BABAM2: variants seen among roughly 807,000 people sequenced by gnomAD.
The protein encoded by BABAM2 is BRISC and BRCA1 A complex member 2, also known as BRISC and BRCA1-A complex member 2.
A neutral mutation model predicts 54.7 loss-of-function variants in BABAM2; 31 were observed. The observed-to-expected ratio is 0.57, with a 90% CI of 0.43 to 0.77. The LOEUF (loss-of-function observed/expected upper bound fraction) is 0.77. BABAM2 is among the 30% of genes least tolerant of loss of function. The pLI, the probability that BABAM2 is intolerant of heterozygous loss-of-function variation, is 0.00. For synonymous variants in BABAM2, 167 were observed against 162.9 expected, an observed-to-expected ratio of 1.03 and a Z score of -0.19; for missense variants, 364 against 455.8, an observed-to-expected ratio of 0.80 and a Z score of 1.83.
intron 6 of BABAM2, among the ~76,000 whole-genome samples, chr2:28,114,602 A>G (rs946493592): frequency 6.6e-6 from 1 of 152,186 alleles, no homozygotes; most frequent in Non-Finnish European, 1.5e-5. Context: ...GCTTGTCACA[A>G]TGCCTTACAC....
At chr2:28,113,451 G>A (rs1169589604) in intron 6 of BABAM2, among the ~76,000 whole-genome samples, 1 of 152,182 alleles carries the variant, frequency 6.6e-6, no homozygotes, top group Non-Finnish European at 1.5e-5. Flanking sequence ...TCAAAGATCA[G>A]ATGATTGTAG....
intron 11 of BABAM2, among the ~76,000 whole-genome samples, chr2:28,332,273 C>A (rs367731302): frequency 6.6e-6 from 1 of 152,102 alleles, no homozygotes; most frequent in Non-Finnish European, 1.5e-5. Context: ...GTAAACCTAA[C>A]GTCCTGCACG....
chr2:28,004,689 CT>C (rs139298331), intron 4 of BABAM2, among the ~76,000 whole-genome samples: 11,970 of 140,440 alleles, frequency 0.085, 735 homozygotes, highest in African/African-American at 0.19. Context: ...TTTAAAGATA[CT>C]TTTTTTTTTT....
intron 7 of BABAM2, among the ~76,000 whole-genome samples, chr2:28,135,655 T>C (rs1670471173): frequency 6.6e-6 from 1 of 152,202 alleles, no homozygotes; most frequent in Non-Finnish European, 1.5e-5. Context: ...AATAAGCTAA[T>C]GTTTCTTCTT....
chr2:28,131,198 C>T (rs1324561466), intron 7 of BABAM2, among the ~76,000 whole-genome samples: 2 of 46,350 alleles, frequency 4.3e-5, no homozygotes, highest in African/African-American at 1.6e-4. Flanking sequence ...TCTCCTGCCT[C>T]AGCCTCCCAA....
Position 28,016,210 on chromosome 2 carries a change from T to A in BABAM2, c.301-9016T>A, listed in dbSNP as rs921582897. The A allele has an allele frequency of 2.9e-6, 3 of 1,041,626 alleles. No individual in the cohort carries two copies. The African/African-American group carries it at 4.8e-5, about 17-fold the overall frequency. 64.5% of individuals were successfully genotyped at this position (1,041,626 alleles called of 1,614,324 possible). ...AGATTTCTTCTTTTTTCTTTCTCTGTCTTTTTTTGGATGAGCTCTCACTTG... is the reference window on the plus strand; with the variant it reads ...AGATTTCTTCTTTTTTCTTTCTCTGACTTTTTTTGGATGAGCTCTCACTTG... On this transcript the variant is annotated intron_variant, in intron 4 of 11. Transcript: ENST00000379624.
At chr2:28,099,832 A>C (rs548464229) in intron 6 of BABAM2, among the ~76,000 whole-genome samples, 1 of 152,028 alleles carries the variant, frequency 6.6e-6, no homozygotes, top group African/African-American at 2.4e-5. Flanking sequence ...CAGGTTTGCT[A>C]TTTCCCGATA....
intron 5 of BABAM2, among the ~76,000 whole-genome samples, chr2:28,034,434 C>CT (rs1018384563): frequency 1.3e-5 from 2 of 152,166 alleles, no homozygotes; most frequent in Admixed American, 6.5e-5. Flanking sequence ...TTACTATTAG[C>CT]TTTTTTTGGT....
chr2:28,252,832 T>A (rs190554613), intron 10 of BABAM2, among the ~76,000 whole-genome samples: 4 of 152,368 alleles, frequency 2.6e-5, no homozygotes, highest in Non-Finnish European at 5.9e-5. Flanking sequence ...AGCAAGTGTT[T>A]CTGATCAAAG....
At chr2:28,193,016 A>G (rs1055422083) in intron 7 of BABAM2, among the ~76,000 whole-genome samples, 2 of 151,866 alleles carry the variant, frequency 1.3e-5, no homozygotes, top group African/African-American at 4.8e-5. Flanking sequence ...TACTAAAAAT[A>G]CAAAAAAAGT....
At chr2:28,142,269 CT>C (rs1448339329) in intron 7 of BABAM2, among the ~76,000 whole-genome samples, 1 of 152,044 alleles carries the variant, frequency 6.6e-6, no homozygotes, top group Non-Finnish European at 1.5e-5. Flanking sequence ...ATGGGGAAGC[CT>C]TTAGTTTAAA....
intron 6 of BABAM2, among the ~76,000 whole-genome samples, chr2:28,076,718 G>A (rs552798747): frequency 6.6e-6 from 1 of 152,158 alleles, no homozygotes; most frequent in South Asian, 2.1e-4. Context: ...ATGTTAGCCA[G>A]GATGGTCTCA....
chr2:27,942,322 A>C (rs1331567140), intron 3 of BABAM2, among the ~76,000 whole-genome samples: 1 of 151,926 alleles, frequency 6.6e-6, no homozygotes, highest in Non-Finnish European at 1.5e-5. Context: ...AGAATTTTGC[A>C]CTTTCTTTGC....
chr2:28,098,801 A>G (rs1397409771), intron 6 of BABAM2, among the ~76,000 whole-genome samples: 2 of 152,266 alleles, frequency 1.3e-5, no homozygotes, highest in African/African-American at 4.8e-5. Flanking sequence ...AGAAAAAATA[A>G]TGTTAGAGAA....
At chr2:28,285,769 T>C (rs1572344535) in intron 10 of BABAM2, among the ~76,000 whole-genome samples, 1 of 151,740 alleles carries the variant, frequency 6.6e-6, no homozygotes, top group South Asian at 2.1e-4. Context: ...GGGATCTTGC[T>C]ATGTTGCCCA....
intron 6 of BABAM2, among the ~76,000 whole-genome samples, chr2:28,048,605 G>T (rs577676070): frequency 2.0e-5 from 3 of 152,304 alleles, no homozygotes; most frequent in African/African-American, 7.2e-5. Context: ...TCTGTGGTCT[G>T]TATAGCAGGA....
intron 2 of BABAM2, among the ~76,000 whole-genome samples, chr2:27,908,973 G>A (rs373549556): frequency 6.6e-6 from 1 of 152,118 alleles, no homozygotes; most frequent in South Asian, 2.1e-4. Flanking sequence ...GTGTGTAGTG[G>A]TATCTCACAG....
At chr2:28,192,647 G>T (rs567300432) in intron 7 of BABAM2, among the ~76,000 whole-genome samples, 1 of 149,660 alleles carries the variant, frequency 6.7e-6, no homozygotes, top group South Asian at 2.1e-4. Flanking sequence ...TCAGCCTCCT[G>T]AGTAGCTGGG....
intron 7 of BABAM2, among the ~76,000 whole-genome samples, chr2:28,206,180 T>C (rs1226591883): frequency 6.6e-6 from 1 of 152,164 alleles, no homozygotes; most frequent in East Asian, 1.9e-4. Flanking sequence ...GACACGAATC[T>C]ATGTTTTCAT....
Sources: allele counts gnomAD v4.1 joint callset (sites outside exome capture counted in the v4.1 genomes callset), GRCh38; gene constraint gnomAD v4.1.1; transcripts MANE v1.5; gene names NCBI Gene and HGNC (gene_info 2026-07-23, HGNC 2026-07-21).